Variants in DOCK3 observed in about 807,000 individuals in gnomAD.
DOCK3 encodes dedicator of cytokinesis 3, also known as dedicator of cytokinesis protein 3.
DOCK3 carries 60 observed loss-of-function variants against 265.6 expected under a neutral mutation model. The ratio of observed to expected loss-of-function variants is 0.23; its 90% CI spans 0.18 to 0.28. The LOEUF (loss-of-function observed/expected upper bound fraction) is 0.28, where lower values mean the gene tolerates loss of function less well. DOCK3 is among the 10% of genes least tolerant of loss of function. DOCK3 has a pLI of 1.00. For missense variants in DOCK3, 1,981 were observed against 2,594.3 expected (o/e 0.76, Z 5.14); for synonymous variants, 881 against 938.0 (o/e 0.94, Z 1.11).
intron 22 of DOCK3, among the ~76,000 whole-genome samples, chr3:51,254,040 G>A (rs2079410330): frequency 1.3e-5 from 2 of 152,190 alleles, no homozygotes; most frequent in Non-Finnish European, 2.9e-5. Flanking sequence ...TGCTTTAAAT[G>A]TGTCTCAGAG....
chr3:51,236,444 G>A lies in DOCK3; in HGVS notation c.2001+16G>A. The A allele has an allele frequency of 6.3e-7, 1 of 1,594,106 alleles. No individual in the cohort carries two copies. Among genetic ancestry groups the A allele is most frequent in the Non-Finnish European group, 8.5e-7 (1 of 1,170,038 alleles). ...TCAGTCTCTGGTAAGTCACCTTCCTGACTCTTTACTTTTATTAATTATTCC... is the reference window on the plus strand; with the variant it reads ...TCAGTCTCTGGTAAGTCACCTTCCTAACTCTTTACTTTTATTAATTATTCC... On this transcript the variant is annotated intron_variant, in intron 20 of 52. Coordinates refer to ENST00000266037, the MANE Select transcript of DOCK3 (RefSeq NM_004947.5).
At chr3:51,203,573 A>T (rs1303878067) in intron 12 of DOCK3, among the ~76,000 whole-genome samples, 1 of 152,254 alleles carries the variant, frequency 6.6e-6, no homozygotes, top group East Asian at 1.9e-4. Context: ...CAATACTGTG[A>T]AAATGGCCAT....
intron 5 of DOCK3, among the ~76,000 whole-genome samples, chr3:51,050,732 T>G (rs1398431843): frequency 1.3e-5 from 2 of 152,152 alleles, no homozygotes; most frequent in African/African-American, 4.8e-5. Context: ...TCTCAGGCCT[T>G]CAGCATGTTG....
chr3:51,014,342 T>A (rs1483537591), intron 5 of DOCK3, among the ~76,000 whole-genome samples: 2 of 152,130 alleles, frequency 1.3e-5, no homozygotes, highest in Non-Finnish European at 2.9e-5. Context: ...CTCTGTAAGC[T>A]TCCTATCTAG....
In DOCK3 at chr3:50,702,540, G is replaced by T. The variant is rs9810492; in HGVS notation, c.37+27240G>T. Among the ~76,000 whole-genome samples, 414 of 151,180 alleles carry T rather than the reference G, an allele frequency of 2.7e-3. 1 individual carries two copies. Among genetic ancestry groups the T allele is most frequent in the African/African-American group, 9.6e-3 (396 of 41,218 alleles). On this transcript the variant is annotated intron_variant, in intron 1 of 52. Coordinates refer to ENST00000266037, the MANE Select transcript of DOCK3 (RefSeq NM_004947.5). The stretch of plus-strand genomic sequence containing the variant: ...CACCACACCCAGCTAATTTTTTTTT[G>T]GTATTTTTAGTAGAGATGGGGTTTC...
chr3:51,199,320 G>A (rs766811304), intron 12 of DOCK3, among the ~76,000 whole-genome samples: 9 of 152,170 alleles, frequency 5.9e-5, no homozygotes, highest in Non-Finnish European at 7.4e-5. Context: ...CTGGAAAATC[G>A]GGTCACTCCC....
chr3:50,688,401 G>GA (rs535976824), intron 1 of DOCK3, among the ~76,000 whole-genome samples: 4 of 152,184 alleles, frequency 2.6e-5, no homozygotes, highest in Non-Finnish European at 4.4e-5. Context: ...AGCACTTGGA[G>GA]AATGTGAATC....
chr3:50,727,336 G>A (rs756449637), intron 1 of DOCK3, among the ~76,000 whole-genome samples: 15 of 152,194 alleles, frequency 9.9e-5, no homozygotes, highest in Non-Finnish European at 1.3e-4. Context: ...TGTTATGTCT[G>A]TATTAATATG....
chr3:50,874,071 T>G (rs541658641), intron 3 of DOCK3, among the ~76,000 whole-genome samples: 173 of 149,316 alleles, frequency 1.2e-3, no homozygotes, highest in Non-Finnish European at 1.8e-3. Flanking sequence ...CTTTTGTTTT[T>G]TTTTTTTTTG....
chr3:50,703,273 A>G (rs576116189), intron 1 of DOCK3, among the ~76,000 whole-genome samples: 17 of 152,184 alleles, frequency 1.1e-4, no homozygotes, highest in South Asian at 4.1e-4. Flanking sequence ...TTTTGCATCT[A>G]TGTTTATCAA....
chr3:51,008,041 G>A (rs892639137), intron 5 of DOCK3, among the ~76,000 whole-genome samples: 1 of 152,162 alleles, frequency 6.6e-6, no homozygotes, highest in Non-Finnish European at 1.5e-5. Context: ...AGTATAGTTT[G>A]AAGTCAGGTA....
Position 51,374,692 on chromosome 3 carries a change from A to C in DOCK3, c.5412+105A>C. 8.8e-7 allele frequency: 1 copy of C among 1,134,762 alleles called. No individual in the cohort carries two copies. The highest frequency in any genetic ancestry group is 1.3e-6 in the Non-Finnish European group (1 of 783,406). 70.3% of individuals were successfully genotyped at this position (1,134,762 alleles called of 1,614,324 possible). A position where few individuals can be genotyped will look rare whatever the true frequency, so the allele number is the denominator to read the frequency against. ...CTGCATTGTCCTACATGGCTCTCTC[A>C]TTCCGCTGTAAGATCCCGCAAAAGG... On this transcript the variant is annotated intron_variant, in intron 50 of 52. Coordinates refer to ENST00000266037, the MANE Select transcript of DOCK3 (RefSeq NM_004947.5). The surrounding 1 kb of genome is among the most constrained non-coding windows in gnomAD (Gnocchi z 4.8).
intron 5 of DOCK3, among the ~76,000 whole-genome samples, chr3:50,982,739 G>T (rs2077739319): frequency 6.6e-6 from 1 of 152,216 alleles, no homozygotes; most frequent in Non-Finnish European, 1.5e-5. Context: ...GTGGGGCTGG[G>T]CTGAGCTGCC....
chr3:50,707,261 C>A (rs1440521531), intron 1 of DOCK3, among the ~76,000 whole-genome samples: 2 of 149,698 alleles, frequency 1.3e-5, no homozygotes, highest in African/African-American at 2.5e-5. Flanking sequence ...CACGGTAAAA[C>A]CCCGTCTCTA....
At chr3:50,694,174 G>A (rs1049429667) in intron 1 of DOCK3, among the ~76,000 whole-genome samples, 12 of 152,172 alleles carry the variant, frequency 7.9e-5, no homozygotes, top group South Asian at 2.1e-4. Context: ...GGAGGCTGAG[G>A]CATGAGAATC....
At chr3:50,999,393 C>A (rs1431427460) in intron 5 of DOCK3, among the ~76,000 whole-genome samples, 1 of 152,190 alleles carries the variant, frequency 6.6e-6, no homozygotes, top group Non-Finnish European at 1.5e-5. Flanking sequence ...TCAAAGGAGA[C>A]AACACCCAGC....
In DOCK3 at chr3:50,770,516, C is replaced by T. The variant is rs752468892; in HGVS notation, c.38-8159C>T. On this transcript the variant is annotated intron_variant, in intron 1 of 52. Coordinates refer to ENST00000266037, the MANE Select transcript of DOCK3 (RefSeq NM_004947.5). ...CAGTATTTTTTAAATGTGCATTCTA[C>T]CCAAAGAAATCTACAGATTCAAGGC... 3.8e-4 allele frequency among the ~76,000 whole-genome samples: 57 copies of T among 151,812 alleles called. 1 individual carries two copies. The highest frequency in any genetic ancestry group is 3.4e-3 in the Middle Eastern group (1 of 294).
intron 1 of DOCK3, among the ~76,000 whole-genome samples, chr3:50,722,891 C>T (rs781139190): frequency 6.6e-6 from 1 of 151,604 alleles, no homozygotes; most frequent in African/African-American, 2.4e-5. Flanking sequence ...CCCCACTCAG[C>T]CTCCCAAGTA....
At chr3:51,275,227 C>G (rs776514356) in intron 25 of DOCK3, 21 bp downstream of exon 25, 1 of 1,613,456 alleles carries the variant, frequency 6.2e-7, no homozygotes, top group South Asian at 1.1e-5. Flanking sequence ...CACACCCACT[C>G]CACCCTGTTC....
Sources: gnomAD v4.1 joint callset for allele counts (sites outside exome capture counted in the v4.1 genomes callset) on GRCh38, gnomAD v4.1.1 for gene constraint, Gnocchi (gnomAD v3.1) non-coding constraint, MANE v1.5 for transcripts, NCBI Gene and HGNC (gene_info 2026-07-23, HGNC 2026-07-21) for gene names.